Variants in PRDM6 observed in about 807,000 individuals in gnomAD.
PRDM6 encodes the protein putative histone-lysine N-methyltransferase PRDM6.
In PRDM6, 25 loss-of-function variants were observed where a neutral mutation model predicts 60.8. The ratio of observed to expected loss-of-function variants is 0.41; its 90% confidence interval spans 0.30 to 0.57. The LOEUF (loss-of-function observed/expected upper bound fraction) is 0.57, where lower values mean the gene tolerates loss of function less well. PRDM6 is among the 20% of genes least tolerant of loss of function. PRDM6 has a pLI of 0.27. For synonymous variants in PRDM6, 407 were observed against 357.4 expected (o/e 1.14, Z -1.57); for missense variants, 839 against 821.3 (o/e 1.02, Z -0.26).
chr5:123,166,581 C>T (rs1172992094), intron 5 of PRDM6, among the ~76,000 whole-genome samples: 1 of 152,108 alleles, frequency 6.6e-6, no homozygotes, highest in Admixed American at 6.6e-5. Context: ...TCTGTAAAAA[C>T]ATCAGCTTAA....
At chr5:123,105,338 C>T (rs337127) in intron 3 of PRDM6, among the ~76,000 whole-genome samples, 5 of 152,070 alleles carry the variant, frequency 3.3e-5, no homozygotes, top group African/African-American at 1.2e-4. Context: ...CCTGCCCTCC[C>T]CAGTCACTGC....
chr5:123,160,820 G>C (rs1257996203), intron 5 of PRDM6, among the ~76,000 whole-genome samples: 3 of 152,118 alleles, frequency 2.0e-5, no homozygotes, highest in African/African-American at 7.2e-5. Context: ...GCTTCCACTG[G>C]AAAGTTTCTT....
chr5:123,133,161 A>T (rs1764872788), intron 3 of PRDM6, among the ~76,000 whole-genome samples: 1 of 152,092 alleles, frequency 6.6e-6, no homozygotes, highest in Non-Finnish European at 1.5e-5. Context: ...GGAAATAATT[A>T]CTTGATTGCA....
At chr5:123,160,723 C>A (rs1377928047) in intron 5 of PRDM6, among the ~76,000 whole-genome samples, 1 of 152,172 alleles carries the variant, frequency 6.6e-6, no homozygotes, top group East Asian at 1.9e-4. Flanking sequence ...TATCAACTTT[C>A]CTTTTCTATT....
intron 5 of PRDM6, among the ~76,000 whole-genome samples, chr5:123,164,789 T>C (rs1323541277): frequency 6.6e-6 from 1 of 152,160 alleles, no homozygotes; most frequent in Non-Finnish European, 1.5e-5. Flanking sequence ...TCATTCCGAC[T>C]GTTTGTGGGA....
At chr5:123,185,558 T>G (rs183248665) in intron 7 of PRDM6, among the ~76,000 whole-genome samples, 1 of 152,296 alleles carries the variant, frequency 6.6e-6, no homozygotes, top group Non-Finnish European at 1.5e-5. Context: ...TCTGATACAT[T>G]AAAGCTGACA....
intron 3 of PRDM6, among the ~76,000 whole-genome samples, chr5:123,135,712 C>G (rs449935): frequency 6.6e-6 from 1 of 152,152 alleles, no homozygotes; most frequent in Non-Finnish European, 1.5e-5. Flanking sequence ...ATTAAAGTTT[C>G]TGTATCCTAT....
In PRDM6 at chr5:123,090,501, G is replaced by GC; in HGVS notation, c.491dup (p.Arg165AlafsTer139). ...CGGCGGCGGCGGGGAGGGTCGCGGC[G>GC]CCCCGCGCTTCCGCTGCAGCGCAGA... On this transcript the variant is annotated frameshift_variant, in exon 2 of 8. Coordinates refer to ENST00000407847, the MANE Select transcript of PRDM6 (RefSeq NM_001136239.4). LOFTEE classifies it high-confidence loss of function. 6.7e-7 allele frequency: 1 copy of GC among 1,489,788 alleles called. No individual in the cohort carries two copies. The highest frequency in any genetic ancestry group is 8.9e-7 in the Non-Finnish European group (1 of 1,128,588). 92.3% of individuals were successfully genotyped at this position (1,489,788 alleles called of 1,614,324 possible).
rs1766452293 is a variant in PRDM6, at chr5:123,192,505, G to C, written c.*5304G>C. 6.6e-6 allele frequency: 1 copy of C among 152,094 alleles called. No homozygotes were observed. The highest frequency in any genetic ancestry group is 1.5e-5 in the Non-Finnish European group (1 of 68,018). 9.4% of individuals were successfully genotyped at this position (152,094 alleles called of 1,614,324 possible). A position where few individuals can be genotyped will look rare whatever the true frequency, so the allele number is the denominator to read the frequency against. On this transcript the variant is annotated 3_prime_UTR_variant, in exon 8 of 8. Coordinates refer to ENST00000407847, the MANE Select transcript of PRDM6 (RefSeq NM_001136239.4). The stretch of plus-strand genomic sequence containing the variant: ...TAAAACACGTATCATTATAGATGCT[G>C]ATTTTGTCATGCCCAAATCTCATTG...
chr5:123,099,576 G>C lies in PRDM6; in HGVS notation c.593-78G>C. ...GCGGGCGGTGATGCTGTTGTCTCGG[G>C]AGTTTACTCAAAGATGGGCCGCTCG... On this transcript the variant is annotated intron_variant, in intron 2 of 7. Transcript: ENST00000407847. This position sits in a 1 kb window ranked among gnomAD's most constrained non-coding sequence, Gnocchi z 4.0. 2.3e-6 allele frequency: 3 copies of C among 1,315,190 alleles called. No individual in the cohort carries two copies. The highest frequency in any genetic ancestry group is 3.0e-6 in the Non-Finnish European group (3 of 996,188). 81.5% of individuals were successfully genotyped at this position (1,315,190 alleles called of 1,614,324 possible).
chr5:123,141,135 T>G (rs1320334462), intron 3 of PRDM6, among the ~76,000 whole-genome samples: 1 of 152,022 alleles, frequency 6.6e-6, no homozygotes, highest in Non-Finnish European at 1.5e-5. Context: ...CTCAACATTA[T>G]TTTATAAAAT....
intron 4 of PRDM6, 133 bp downstream of exon 4, chr5:123,156,144 T>G (rs899974655): frequency 3.0e-5 from 25 of 830,538 alleles, no homozygotes; most frequent in South Asian, 2.8e-4. Context: ...TTTTTTTTTT[T>G]GCTAGGTTTC....
At chr5:123,129,829 G>T (rs1324701736) in intron 3 of PRDM6, among the ~76,000 whole-genome samples, 5 of 152,076 alleles carry the variant, frequency 3.3e-5, no homozygotes, top group Admixed American at 3.3e-4. Context: ...ATTAAGATGT[G>T]TTCCACTTAG....
chr5:123,100,725 T>G (rs1254472807), intron 3 of PRDM6, among the ~76,000 whole-genome samples: 11 of 152,228 alleles, frequency 7.2e-5, no homozygotes, highest in Admixed American at 7.2e-4. Context: ...CAATCTTACC[T>G]GAAGCAATTA....
intron 3 of PRDM6, among the ~76,000 whole-genome samples, chr5:123,130,564 G>GTTTT (rs369046537): frequency 6.9e-6 from 1 of 144,930 alleles, no homozygotes. Flanking sequence ...CATTTATTTA[G>GTTTT]TTTTTTTTTT....
At chr5:123,136,575 T>C (rs768924916) in intron 3 of PRDM6, among the ~76,000 whole-genome samples, 18 of 152,232 alleles carry the variant, frequency 1.2e-4, no homozygotes, top group Non-Finnish European at 2.4e-4. Context: ...TTTGACTCTA[T>C]TTTGGAGCCT....
chr5:123,139,639 A>G (rs1282247491), intron 3 of PRDM6, among the ~76,000 whole-genome samples: 3 of 152,078 alleles, frequency 2.0e-5, no homozygotes, highest in Non-Finnish European at 4.4e-5. Context: ...TGCAGGTGTC[A>G]CTCACTGTGT....
At chr5:123,106,149 T>C (rs1022654714) in intron 3 of PRDM6, among the ~76,000 whole-genome samples, 5 of 152,198 alleles carry the variant, frequency 3.3e-5, no homozygotes, top group Non-Finnish European at 7.3e-5. Flanking sequence ...GTTAGTGAGA[T>C]TGAGCAGTAA....
At chr5:123,173,078 C>T (rs1027866180) in intron 6 of PRDM6, among the ~76,000 whole-genome samples, 27 of 151,904 alleles carry the variant, frequency 1.8e-4, no homozygotes, top group African/African-American at 5.8e-4. Flanking sequence ...GTAGTCCCAG[C>T]TACTTGGGAC....
Sources: allele counts gnomAD v4.1 joint callset (sites outside exome capture counted in the v4.1 genomes callset), GRCh38; gene constraint gnomAD v4.1.1; non-coding constraint Gnocchi (gnomAD v3.1); transcripts MANE v1.5; gene names NCBI Gene and HGNC (gene_info 2026-07-23, HGNC 2026-07-21).